TCEA2: variants seen among roughly 807,000 people sequenced by gnomAD.
TCEA2 encodes transcription elongation factor A2.
In TCEA2, 21 loss-of-function variants were observed where a neutral mutation model predicts 40.8. The observed-to-expected ratio is 0.51, with a 90% CI of 0.36 to 0.74. The LOEUF (loss-of-function observed/expected upper bound fraction) is 0.74, where lower values mean the gene tolerates loss of function less well. TCEA2 is among the 30% of genes least tolerant of loss of function. The probability of loss-of-function intolerance (pLI) is 0.00; values close to 1 mark genes in which losing one functional copy is unlikely to be tolerated. For missense variants in TCEA2, 326 were observed against 426.5 expected, an observed-to-expected ratio of 0.76 and a Z score of 2.08; for synonymous variants, 165 against 162.7, an observed-to-expected ratio of 1.01 and a Z score of -0.11.
intron 1 of TCEA2, 82 bp downstream of exon 1, chr20:64,063,466 G>C (rs1045811412): frequency 7.1e-5 from 103 of 1,449,050 alleles, no homozygotes; most frequent in Non-Finnish European, 9.4e-5. Context: ...GTTAGGGCCG[G>C]AAGACGACCT....
upstream of TCEA2, among the ~76,000 whole-genome samples, chr20:64,058,870 G>A (rs138610387): frequency 2.0e-5 from 3 of 152,218 alleles, no homozygotes; most frequent in East Asian, 1.9e-4. The surrounding 1 kb of genome is among the most constrained non-coding windows in gnomAD (Gnocchi z 6.7). Context: ...CTGAACGAAC[G>A]ACACCTTTCT....
chr20:64,069,700 G>T, intron 5 of TCEA2, 65 bp from the exon 6 acceptor site: 4 of 1,572,616 alleles, frequency 2.5e-6, no homozygotes, highest in Non-Finnish European at 3.5e-6. Flanking sequence ...AGGGTGTTTT[G>T]CAGGCAGAAG....
upstream of TCEA2, among the ~76,000 whole-genome samples, chr20:64,058,590 T>C (rs1327068445): frequency 6.6e-6 from 1 of 152,228 alleles, no homozygotes; most frequent in Non-Finnish European, 1.5e-5. This position sits in a 1 kb window ranked among gnomAD's most constrained non-coding sequence, Gnocchi z 6.7. Flanking sequence ...GGAGTCCTAG[T>C]TGAGGCCCCT....
chr20:64,071,081 G>C (rs1412260637), intron 8 of TCEA2, among the ~76,000 whole-genome samples: 1 of 152,144 alleles, frequency 6.6e-6, no homozygotes, highest in Non-Finnish European at 1.5e-5. Context: ...TGGGTGCAGT[G>C]GCTCACATCT....
At chr20:64,071,991 G>A in intron 9 of TCEA2, 50 bp downstream of exon 9, 1 of 1,611,512 alleles carries the variant, frequency 6.2e-7, no homozygotes, top group Non-Finnish European at 8.5e-7. Context: ...CTCTGGAGGT[G>A]GGGTGTCTCA....
intron 2 of TCEA2, among the ~76,000 whole-genome samples, 171 bp from the exon 3 acceptor site, chr20:64,066,744 C>T (rs2059703025): frequency 6.6e-6 from 1 of 152,188 alleles, no homozygotes; most frequent in Admixed American, 6.5e-5. Flanking sequence ...TCTTGTCCTC[C>T]GTGGCTGAGG....
At chr20:64,058,822 C>T (rs181388609), upstream of TCEA2, among the ~76,000 whole-genome samples, 158 of 152,276 alleles carry the variant, frequency 1.0e-3, 1 homozygote, top group East Asian at 9.6e-4. The surrounding 1 kb of genome is among the most constrained non-coding windows in gnomAD (Gnocchi z 6.7). Context: ...CAGCCACGGG[C>T]CCAGCTGACC....
chr20:64,069,725 G>T lies in TCEA2; in HGVS notation c.461-40G>T, dbSNP rs1377906535. The T allele has an allele frequency of 2.5e-6, 4 of 1,595,018 alleles. No homozygotes were observed. In the South Asian group the frequency reaches 3.4e-5, roughly 13 times the overall value. ...GCAGGCAGAAGGGGTGGCAGGTGGA[G>T]AAACCAGTGGGGGAAGCTAGTCAGG... On this transcript the variant is annotated intron_variant, in intron 5 of 9. Transcript: ENST00000343484.
In TCEA2 at chr20:64,063,246, G is replaced by C; in HGVS notation, c.-67G>C. 1.4e-6 allele frequency: 2 copies of C among 1,385,224 alleles called. No individual in the cohort carries two copies. The highest frequency in any genetic ancestry group is 1.9e-6 in the Non-Finnish European group (2 of 1,064,314). The allele number at this position is 1,385,224 out of a possible 1,614,324, so 85.8% of individuals were successfully genotyped here. ...GCGGGTGTGGGAGGTGGCGACGGCC[G>C]GGGCCGGGGTCCTGCCCGGCTGCGG... On this transcript the variant is annotated 5_prime_UTR_variant, in exon 1 of 10. Transcript: ENST00000343484.
chr20:64,060,032 G>A (rs571002343), upstream of TCEA2, among the ~76,000 whole-genome samples: 82 of 152,306 alleles, frequency 5.4e-4, no homozygotes, highest in Non-Finnish European at 1.0e-3. Flanking sequence ...GGACTGCGGC[G>A]TATGCACAAC....
intron 3 of TCEA2, among the ~76,000 whole-genome samples, 158 bp from the exon 4 acceptor site, chr20:64,067,889 T>G (rs2145489806): frequency 6.6e-6 from 1 of 152,144 alleles, no homozygotes; most frequent in South Asian, 2.1e-4. Flanking sequence ...CTGGGCAGCC[T>G]CCTGGCCCCT....
Position 64,071,818 on chromosome 20 carries a change from G to A in TCEA2, c.820-52G>A, listed in dbSNP as rs1054510377. 6.9e-5 allele frequency: 111 copies of A among 1,602,424 alleles called. No individual in the cohort carries two copies. The South Asian group carries it at 7.9e-4, about 11-fold the overall frequency. On this transcript the variant is annotated intron_variant, in intron 8 of 9. Transcript: ENST00000343484. The stretch of plus-strand genomic sequence containing the variant: ...GCACTGCCCATGTTGAGGGGATGCC[G>A]TCTGCAGCGGAGCATGGAGGTGACC...
At chr20:64,058,801 C>T (rs889497903), upstream of TCEA2, among the ~76,000 whole-genome samples, 4 of 152,226 alleles carry the variant, frequency 2.6e-5, no homozygotes, top group East Asian at 7.7e-4. The surrounding 1 kb of genome is among the most constrained non-coding windows in gnomAD (Gnocchi z 6.7). Context: ...CAGTTCCCAT[C>T]TGTGCCGGGT....
upstream of TCEA2, among the ~76,000 whole-genome samples, chr20:64,060,974 G>A (rs1331475465): frequency 2.7e-5 from 4 of 148,322 alleles, no homozygotes; most frequent in Non-Finnish European, 6.0e-5. Flanking sequence ...TTGTTTTTTT[G>A]TATTTTAGTA....
intron 1 of TCEA2, chr20:64,066,256 C>A: frequency 1.9e-6 from 1 of 517,724 alleles, no homozygotes; most frequent in Non-Finnish European, 3.5e-6. Flanking sequence ...TGCAGAACCC[C>A]TCCCCTTCTT....
chr20:64,060,580 T>C (rs1291303460), upstream of TCEA2, among the ~76,000 whole-genome samples: 1 of 152,172 alleles, frequency 6.6e-6, no homozygotes, highest in East Asian at 1.9e-4. Context: ...CCTTCAAGTC[T>C]TCATATATGC....
At chr20:64,063,181 C>G (rs1210555612), upstream of TCEA2, 16 of 786,684 alleles carry the variant, frequency 2.0e-5, no homozygotes, top group East Asian at 4.3e-4. Context: ...AGGGTTTGAA[C>G]CGGGGGTCTG....
chr20:64,063,412 G>A, intron 1 of TCEA2, 28 bp downstream of exon 1: 1 of 1,540,998 alleles, frequency 6.5e-7, no homozygotes, highest in Non-Finnish European at 8.7e-7. Flanking sequence ...CCAGGACCCC[G>A]GGAACCCCGC....
intron 4 of TCEA2, among the ~76,000 whole-genome samples, chr20:64,068,426 C>A (rs932185272): frequency 1.3e-5 from 2 of 152,260 alleles, no homozygotes; most frequent in Non-Finnish European, 2.9e-5. Flanking sequence ...TCCCCCAAGG[C>A]CCCCTGCTGG....
Sources: gnomAD v4.1 joint callset for allele counts (sites outside exome capture counted in the v4.1 genomes callset) on GRCh38, gnomAD v4.1.1 for gene constraint, Gnocchi (gnomAD v3.1) non-coding constraint, MANE v1.5 for transcripts, NCBI Gene and HGNC (gene_info 2026-07-23, HGNC 2026-07-21) for gene names.